SLC44A5: variants seen among roughly 807,000 people sequenced by gnomAD.
The protein encoded by SLC44A5 is choline transporter-like protein 5.
SLC44A5 carries 57 observed loss-of-function variants against 101.8 expected under a neutral mutation model. The observed-to-expected ratio is 0.56, with a 90% confidence interval of 0.45 to 0.70. The LOEUF (loss-of-function observed/expected upper bound fraction) is 0.70. SLC44A5 is among the 30% of genes least tolerant of loss of function. The pLI, the probability that SLC44A5 is intolerant of heterozygous loss-of-function variation, is 0.00. For missense variants in SLC44A5, 737 were observed against 853.1 expected (o/e 0.86, Z 1.70); for synonymous variants, 281 against 290.9 (o/e 0.97, Z 0.35).
chr1:75,568,439 C>T (rs1672900205), intron 1 of SLC44A5, among the ~76,000 whole-genome samples: 1 of 152,144 alleles, frequency 6.6e-6, no homozygotes, highest in South Asian at 2.1e-4. Flanking sequence ...GAGCTCCGGC[C>T]AATAAGCTAC....
the SLC44A5 span, among the ~76,000 whole-genome samples, chr1:75,632,412 A>C: frequency 1.3e-5 from 2 of 152,008 alleles, no homozygotes; most frequent in Non-Finnish European, 2.9e-5. Context: ...GTGTAACATT[A>C]AACTAAAAAT....
the SLC44A5 span, among the ~76,000 whole-genome samples, chr1:75,617,106 CG>C: frequency 1.1e-4 from 16 of 152,164 alleles, no homozygotes; most frequent in African/African-American, 3.9e-4. Flanking sequence ...TAAAAAGAAA[CG>C]CTTAAAGGGT....
intron 3 of SLC44A5, among the ~76,000 whole-genome samples, chr1:75,363,043 C>A (rs931423515): frequency 2.0e-5 from 3 of 151,952 alleles, no homozygotes; most frequent in African/African-American, 7.2e-5. Flanking sequence ...GATAAATTGG[C>A]CTTTTAATCA....
Position 75,541,513 on chromosome 1 carries a change from G to C in SLC44A5, c.-66C>G, listed in dbSNP as rs1438216367. On this transcript the variant is annotated 5_prime_UTR_variant, in exon 2 of 24. Transcript: ENST00000370859. ...CTGCAAACTTGAGTTGCTTAGAAAAGAGTCTGTGATAAAAACAAGTATGAA... is the reference window on the plus strand; with the variant it reads ...CTGCAAACTTGAGTTGCTTAGAAAACAGTCTGTGATAAAAACAAGTATGAA... The C allele has an allele frequency of 1.4e-5, 22 of 1,595,462 alleles. No individual in the cohort carries two copies. Among genetic ancestry groups the C allele is most frequent in the Non-Finnish European group, 1.5e-5 (17 of 1,172,126 alleles).
chr1:75,295,032 A>C (rs1273600585), intron 5 of SLC44A5, among the ~76,000 whole-genome samples: 2 of 152,178 alleles, frequency 1.3e-5, no homozygotes, highest in Non-Finnish European at 1.5e-5. Context: ...TGTTCTTTCC[A>C]AACTAAAACT....
At chr1:75,459,041 G>A (rs1215790647) in intron 2 of SLC44A5, among the ~76,000 whole-genome samples, 1 of 152,166 alleles carries the variant, frequency 6.6e-6, no homozygotes. Context: ...GATGAGCTCA[G>A]AGAGTGAAAA....
chr1:75,523,151 C>A (rs1670230530), intron 2 of SLC44A5, among the ~76,000 whole-genome samples: 1 of 152,146 alleles, frequency 6.6e-6, no homozygotes, highest in African/African-American at 2.4e-5. Context: ...CAAGAACTCA[C>A]TGAAGAGAAA....
At chr1:75,567,648 G>GGA (rs1215881656) in intron 1 of SLC44A5, among the ~76,000 whole-genome samples, 1 of 152,128 alleles carries the variant, frequency 6.6e-6, no homozygotes, top group Non-Finnish European at 1.5e-5. Flanking sequence ...CACTAACAGA[G>GGA]GAGACAGTGA....
At chr1:75,228,490 T>C (rs966546410) in intron 12 of SLC44A5, among the ~76,000 whole-genome samples, 5 of 152,062 alleles carry the variant, frequency 3.3e-5, no homozygotes, top group South Asian at 2.1e-4. Context: ...TTTGTATGTG[T>C]ATATTTTAAT....
chr1:75,224,024 T>C (rs1647145008), intron 13 of SLC44A5, among the ~76,000 whole-genome samples: 1 of 152,202 alleles, frequency 6.6e-6, no homozygotes, highest in Admixed American at 6.5e-5. Flanking sequence ...CTCAAAATAA[T>C]TACATTAGAG....
rs1168373081 is a variant in SLC44A5 at position 75,546,191 on chromosome 1, A to AT, written c.-69-4676dup. Among the ~76,000 whole-genome samples the AT allele has an allele frequency of 1.0e-2, 102 of 10,214 alleles. 36 individuals are homozygous for AT. Among genetic ancestry groups the AT allele is most frequent in the Non-Finnish European group, 0.015 (86 of 5,774 alleles). The allele number at this position is 10,214 out of a possible 152,430, so 6.7% of individuals were successfully genotyped here. On this transcript the variant is annotated intron_variant, in intron 1 of 23. Coordinates refer to ENST00000370859, the MANE Select transcript of SLC44A5 (RefSeq NM_001130058.2). ...CTTCATAAGACTGTTCAAATTCAAA[A>AT]TTTTTTTTTTTTTTTTTTTTTTTTT...
chr1:75,551,926 T>A (rs1671957979), intron 1 of SLC44A5, among the ~76,000 whole-genome samples: 1 of 152,140 alleles, frequency 6.6e-6, no homozygotes, highest in Non-Finnish European at 1.5e-5. Context: ...ACTGAAATGA[T>A]CCTACACTTT....
intron 3 of SLC44A5, among the ~76,000 whole-genome samples, chr1:75,368,329 C>T (rs564180000): frequency 7.9e-5 from 12 of 152,264 alleles, no homozygotes; most frequent in South Asian, 6.2e-4. Context: ...AATCCACAGA[C>T]GCTTAAGTCT....
At chr1:75,325,566 G>A (rs542621693) in intron 4 of SLC44A5, among the ~76,000 whole-genome samples, 3 of 152,114 alleles carry the variant, frequency 2.0e-5, no homozygotes, top group Non-Finnish European at 4.4e-5. Flanking sequence ...TATTTTGAGA[G>A]ACAATGAGAG....
the SLC44A5 span, among the ~76,000 whole-genome samples, chr1:75,650,842 C>T: frequency 6.6e-6 from 1 of 152,332 alleles, no homozygotes; most frequent in South Asian, 2.1e-4. Context: ...AGTCCTCTCA[C>T]TTCAGCCTTC....
chr1:75,489,810 A>G (rs1668340531), intron 2 of SLC44A5, among the ~76,000 whole-genome samples: 1 of 152,244 alleles, frequency 6.6e-6, no homozygotes, highest in Non-Finnish European at 1.5e-5. Context: ...CTATTTTAAC[A>G]GTAGATGTAC....
At chr1:75,606,633 C>T (rs1456203949) in intron 1 of SLC44A5, among the ~76,000 whole-genome samples, 1 of 151,980 alleles carries the variant, frequency 6.6e-6, no homozygotes, top group African/African-American at 2.4e-5. Flanking sequence ...TTCATTCTCT[C>T]TTAACCCACT....
chr1:75,715,732 C>T, the SLC44A5 span, among the ~76,000 whole-genome samples: 1 of 151,960 alleles, frequency 6.6e-6, no homozygotes, highest in African/African-American at 2.4e-5. Context: ...GGACACAAGC[C>T]CTGGCAAAGA....
At chr1:75,318,967 A>C (rs1389039692) in intron 4 of SLC44A5, among the ~76,000 whole-genome samples, 1 of 151,960 alleles carries the variant, frequency 6.6e-6, no homozygotes, top group Admixed American at 6.6e-5. Context: ...ACATCTCCCC[A>C]GCTCATATTT....
Sources: gnomAD v4.1 joint callset for allele counts (sites outside exome capture counted in the v4.1 genomes callset) on GRCh38, gnomAD v4.1.1 for gene constraint, MANE v1.5 for transcripts, NCBI Gene and HGNC (gene_info 2026-07-23, HGNC 2026-07-21) for gene names.